The following ZFYVE9 variants were observed in gnomAD, a reference collection of about 807,000 sequenced individuals.
The protein encoded by ZFYVE9 is zinc finger FYVE-type containing 9.
ZFYVE9 carries 43 observed loss-of-function variants against 126.7 expected under a neutral mutation model. The ratio of observed to expected loss-of-function variants is 0.34; its 90% CI spans 0.27 to 0.44. The LOEUF (loss-of-function observed/expected upper bound fraction) is 0.44. Ranked by LOEUF, ZFYVE9 falls within the 20% of genes least tolerant of loss-of-function variation. The probability of loss-of-function intolerance (pLI) is 1.00; values close to 1 mark genes in which losing one functional copy is unlikely to be tolerated. For missense variants in ZFYVE9, 1,476 were observed against 1,697.0 expected (o/e 0.87, Z 2.29); for synonymous variants, 521 against 597.4 (o/e 0.87, Z 1.87).
At chr1:52,186,019 T>A (rs1644762002) in intron 1 of ZFYVE9, among the ~76,000 whole-genome samples, 1 of 148,922 alleles carries the variant, frequency 6.7e-6, no homozygotes, top group Non-Finnish European at 1.5e-5. Context: ...GACGGGTGGA[T>A]CACTTGAGGT....
chr1:52,224,900 C>T (rs1645155390), intron 2 of ZFYVE9, among the ~76,000 whole-genome samples: 1 of 152,112 alleles, frequency 6.6e-6, no homozygotes, highest in African/African-American at 2.4e-5. Flanking sequence ...GTTTCTTGCA[C>T]TCTTGTGAGC....
rs541679465 is a variant in ZFYVE9, at chr1:52,259,625, TAAAA to T, written c.2179-4128_2179-4125del. ...CAACATGGCGAAACCCTGTCTCTAC[TAAAA>T]AAAAAAAAAAAAAAAAAAATCGCTG... On this transcript the variant is annotated intron_variant, in intron 4 of 18. Coordinates refer to ENST00000287727, the MANE Select transcript of ZFYVE9 (RefSeq NM_004799.4). Among the ~76,000 whole-genome samples the T allele has an allele frequency of 4.4e-4, 37 of 84,168 alleles. 1 individual carries two copies. The highest frequency in any genetic ancestry group is 1.4e-4 in the Admixed American group (1 of 7,388). 55.2% of individuals were successfully genotyped at this position (84,168 alleles called of 152,430 possible).
intron 9 of ZFYVE9, 145 bp from the exon 10 acceptor site, chr1:52,281,516 G>A (rs1645805439): frequency 6.6e-6 from 6 of 913,312 alleles, no homozygotes; most frequent in Non-Finnish European, 8.0e-6. Context: ...GCTCAATGCA[G>A]TGACAGTTCA....
Position 52,278,528 on chromosome 1 carries a change from T to C in ZFYVE9, c.2783T>C (p.Val928Ala). ...GAAGAGAAACCATCACAGATTTCAG[T>C]AATGCAGCAGTTGGAGGATGGTGGC... The part of the protein sequence containing the change: ...AVEEKPSQIS[V>A]MQQLEDGGPD... The change falls in exon 9 of 19, where the codon GTA becomes GCA. Residue 928 changes from valine (V) to alanine (A), a missense_variant. This residue lies in a region of ZFYVE9 where 669 missense variants were observed against 902.4 expected (regional missense o/e 0.74). Coordinates refer to ENST00000287727, the MANE Select transcript of ZFYVE9 (RefSeq NM_004799.4). 6.2e-7 allele frequency: 1 copy of C among 1,614,086 alleles called. No homozygotes were observed. Among genetic ancestry groups the C allele is most frequent in the South Asian group, 1.1e-5 (1 of 91,074 alleles).
intron 13 of ZFYVE9, among the ~76,000 whole-genome samples, chr1:52,331,260 C>G (rs1053434017): frequency 1.3e-5 from 2 of 151,958 alleles, no homozygotes; most frequent in Non-Finnish European, 2.9e-5. Context: ...AGGATTAGAT[C>G]AGAAAGTTGG....
At chr1:52,157,394 C>CTTTTTTTTTTTTTTTTT (rs71579908) in intron 1 of ZFYVE9, among the ~76,000 whole-genome samples, 1 of 58,444 alleles carries the variant, frequency 1.7e-5, no homozygotes, top group Non-Finnish European at 2.8e-5. Context: ...ACCATATTCT[C>CTTTTTTTTTTTTTTTTT]TTTTTTTTTT....
At chr1:52,182,633 G>A (rs141365110) in intron 1 of ZFYVE9, among the ~76,000 whole-genome samples, 2,592 of 152,132 alleles carry the variant, frequency 0.017, 69 homozygotes, top group African/African-American at 0.058. Flanking sequence ...AGGGTCCTCT[G>A]CGTAGGAAAA....
intron 17 of ZFYVE9, among the ~76,000 whole-genome samples, chr1:52,342,857 A>C (rs1646451134): frequency 1.3e-5 from 2 of 151,026 alleles, no homozygotes; most frequent in African/African-American, 4.9e-5. Flanking sequence ...ATATAGTTTT[A>C]TCTTTACAAT....
chr1:52,235,619 A>T (rs944713847), intron 3 of ZFYVE9, among the ~76,000 whole-genome samples: 2 of 152,122 alleles, frequency 1.3e-5, no homozygotes. Flanking sequence ...GCCCTTTTTA[A>T]CAACTTTTCA....
chr1:52,273,599 G>A (rs1645715634), intron 7 of ZFYVE9, among the ~76,000 whole-genome samples: 1 of 152,174 alleles, frequency 6.6e-6, no homozygotes, highest in African/African-American at 2.4e-5. Flanking sequence ...GGGAGGCCGA[G>A]GTTGGCGGAT....
chr1:52,223,909 T>G (rs529873173), intron 2 of ZFYVE9, among the ~76,000 whole-genome samples: 1 of 152,188 alleles, frequency 6.6e-6, no homozygotes, highest in Non-Finnish European at 1.5e-5. Context: ...TTTCCTTTCC[T>G]GAGAAGAGAA....
intron 1 of ZFYVE9, among the ~76,000 whole-genome samples, chr1:52,188,229 G>A (rs35806057): frequency 0.065 from 9,954 of 152,152 alleles, 367 homozygotes; most frequent in African/African-American, 0.1. Context: ...TGCAGGAACA[G>A]AAACCGTATA....
At chr1:52,307,343 C>T (rs922455788) in intron 13 of ZFYVE9, among the ~76,000 whole-genome samples, 1 of 152,036 alleles carries the variant, frequency 6.6e-6, no homozygotes, top group African/African-American at 2.4e-5. Flanking sequence ...TCAAGCAATT[C>T]TCCTACCTGA....
chr1:52,253,838 C>A, intron 4 of ZFYVE9: 1 of 1,426,492 alleles, frequency 7.0e-7, no homozygotes, highest in Non-Finnish European at 9.9e-7. Flanking sequence ...AGAAAAACAA[C>A]AGTTAAGACA....
intron 1 of ZFYVE9, among the ~76,000 whole-genome samples, chr1:52,143,071 C>A (rs916659854): frequency 1.3e-5 from 2 of 152,090 alleles, no homozygotes; most frequent in African/African-American, 2.4e-5. Flanking sequence ...CGCATCTTTG[C>A]GATGCTAAGT....
intron 1 of ZFYVE9, chr1:52,162,978 G>T (rs1453146603): frequency 4.8e-6 from 2 of 420,188 alleles, no homozygotes; most frequent in East Asian, 1.0e-4. Flanking sequence ...TTGACTGAGA[G>T]TGAAGACTCA....
rs1055905865 is a variant in ZFYVE9 at position 52,142,368 on chromosome 1, G to C, written c.-178G>C. 3.3e-5 allele frequency: 5 copies of C among 152,098 alleles called. No homozygotes were observed. Among genetic ancestry groups the C allele is most frequent in the African/African-American group, 1.2e-4 (5 of 41,512 alleles). 9.4% of individuals were successfully genotyped at this position (152,098 alleles called of 1,614,324 possible). A position where few individuals can be genotyped will look rare whatever the true frequency, so the allele number is the denominator to read the frequency against. On this transcript the variant is annotated 5_prime_UTR_variant, in exon 1 of 19. Coordinates refer to ENST00000287727, the MANE Select transcript of ZFYVE9 (RefSeq NM_004799.4). The surrounding 1 kb of genome is among the most constrained non-coding windows in gnomAD (Gnocchi z 4.5). ...GGCTTTCGGCTCAGGGACGACCCCC[G>C]TGGCCATGCTGAAGCGGAGGCGGCC...
At chr1:52,222,799 C>T (rs1005326363) in intron 2 of ZFYVE9, among the ~76,000 whole-genome samples, 9 of 152,148 alleles carry the variant, frequency 5.9e-5, no homozygotes, top group African/African-American at 2.2e-4. Context: ...AAGTGGTGAC[C>T]AGGTTTAAGG....
chr1:52,201,133 T>C (rs1644919274), intron 1 of ZFYVE9, among the ~76,000 whole-genome samples: 1 of 152,160 alleles, frequency 6.6e-6, no homozygotes, highest in Non-Finnish European at 1.5e-5. Context: ...TATCTTTTCA[T>C]TTATTTGGTT....
Sources: allele counts gnomAD v4.1 joint callset (sites outside exome capture counted in the v4.1 genomes callset), GRCh38; gene constraint gnomAD v4.1.1; regional missense constraint gnomAD v4.1.1; non-coding constraint Gnocchi (gnomAD v3.1); transcripts MANE v1.5; gene names NCBI Gene and HGNC (gene_info 2026-07-23, HGNC 2026-07-21).